ASB4: variants seen among roughly 807,000 people sequenced by gnomAD.
ASB4 encodes ankyrin repeat and SOCS box protein 4.
In ASB4, 35 loss-of-function variants were observed where a neutral mutation model predicts 38.6. That is an observed-to-expected ratio of 0.91 (90% CI 0.69 to 1.20). The LOEUF (loss-of-function observed/expected upper bound fraction) is 1.20, where lower values mean the gene tolerates loss of function less well. Ranked by LOEUF, ASB4 falls within the 50% of genes most tolerant of loss-of-function variation. ASB4 has a pLI of 0.00. For missense variants in ASB4, 557 were observed against 527.2 expected (o/e 1.06, Z -0.55); for synonymous variants, 195 against 201.3 (o/e 0.97, Z 0.26).
intron 2 of ASB4, among the ~76,000 whole-genome samples, chr7:95,504,203 T>C (rs935464356): frequency 1.3e-5 from 2 of 152,170 alleles, no homozygotes; most frequent in Non-Finnish European, 2.9e-5. Context: ...AAGCAAATCC[T>C]GACAGTAGGA....
intron 2 of ASB4, among the ~76,000 whole-genome samples, chr7:95,521,517 A>G (rs1790661519): frequency 6.6e-6 from 1 of 152,056 alleles, no homozygotes; most frequent in African/African-American, 2.4e-5. Flanking sequence ...TATGGTTGAA[A>G]ATGTTCATAC....
intron 2 of ASB4, among the ~76,000 whole-genome samples, chr7:95,523,202 G>A (rs1017398206): frequency 6.6e-6 from 1 of 152,122 alleles, no homozygotes; most frequent in East Asian, 1.9e-4. Context: ...AGATTGTTAT[G>A]CAACTTCTGA....
intron 2 of ASB4, among the ~76,000 whole-genome samples, chr7:95,521,574 C>T (rs1208998201): frequency 6.6e-6 from 1 of 151,692 alleles, no homozygotes; most frequent in Non-Finnish European, 1.5e-5. Context: ...AACTACTGCA[C>T]AGTTTGAAAG....
intron 2 of ASB4, among the ~76,000 whole-genome samples, chr7:95,527,099 A>G (rs2023780): frequency 1 from 151,751 of 152,342 alleles, 75,582 homozygotes; most frequent in Middle Eastern, 1. Context: ...CTTTCAATGA[A>G]TATTTCTACT....
chr7:95,479,051 T>C (rs1469743063), intron 1 of ASB4, among the ~76,000 whole-genome samples: 4 of 152,126 alleles, frequency 2.6e-5, no homozygotes, highest in African/African-American at 9.7e-5. Flanking sequence ...AAAATGGTAT[T>C]AATCTTTGCC....
intron 2 of ASB4, among the ~76,000 whole-genome samples, chr7:95,515,165 TTC>T (rs1318538783): frequency 0.019 from 1,523 of 81,644 alleles, 32 homozygotes; most frequent in South Asian, 0.031. Flanking sequence ...TTCTTTCTCT[TTC>T]TCTTTCTTTC....
At position 95,521,979 on chromosome 7, in the gene ASB4, T is replaced by C. The variant is rs115414322; in HGVS notation, c.488-5834T>C. 4.7e-3 allele frequency among the ~76,000 whole-genome samples: 716 copies of C among 152,136 alleles called. 10 individuals are homozygous for C. The highest frequency in any genetic ancestry group is 0.017 in the African/African-American group (688 of 41,544). ...CAGAAGAAAACTAAAGCAAATATGG[T>C]AATAATTAAATTCAGTCAAATATGG... On this transcript the variant is annotated intron_variant, in intron 2 of 4. Coordinates refer to ENST00000325885, the MANE Select transcript of ASB4 (RefSeq NM_016116.3).
chr7:95,510,872 G>C (rs1474988484), intron 2 of ASB4, among the ~76,000 whole-genome samples: 1 of 152,146 alleles, frequency 6.6e-6, no homozygotes, highest in Non-Finnish European at 1.5e-5. Context: ...CCTTAGGCCT[G>C]TACTTCTTTA....
At chr7:95,497,269 G>A (rs1790264531) in intron 2 of ASB4, among the ~76,000 whole-genome samples, 1 of 152,224 alleles carries the variant, frequency 6.6e-6, no homozygotes, top group Non-Finnish European at 1.5e-5. Context: ...GACCAGTAGG[G>A]AAGCTATTGT....
intron 3 of ASB4, among the ~76,000 whole-genome samples, chr7:95,533,053 A>T (rs1790840534): frequency 1.3e-5 from 2 of 152,164 alleles, no homozygotes; most frequent in South Asian, 4.1e-4. Flanking sequence ...TTCTCACTTC[A>T]CTTAACAGAT....
intron 2 of ASB4, among the ~76,000 whole-genome samples, chr7:95,502,600 A>G (rs1422181507): frequency 6.6e-6 from 1 of 152,220 alleles, no homozygotes; most frequent in African/African-American, 2.4e-5. Flanking sequence ...GAGAAAGAAA[A>G]AGAAAGACAC....
At chr7:95,519,858 CTT>C (rs568792000) in intron 2 of ASB4, among the ~76,000 whole-genome samples, 5 of 151,376 alleles carry the variant, frequency 3.3e-5, no homozygotes, top group Non-Finnish European at 5.9e-5. Context: ...TTTTCATTGA[CTT>C]TAACTCACTT....
the ASB4 span, among the ~76,000 whole-genome samples, chr7:95,548,471 A>G: frequency 1.3e-5 from 2 of 152,204 alleles, no homozygotes; most frequent in African/African-American, 2.4e-5. Flanking sequence ...AATGAATGTT[A>G]TATTGTCCAT....
At chr7:95,490,835 C>T (rs3801917) in intron 1 of ASB4, among the ~76,000 whole-genome samples, 25,481 of 152,234 alleles carry the variant, frequency 0.17, 2,766 homozygotes, top group East Asian at 0.37. Context: ...CACACACACA[C>T]GATTAGTCTG....
chr7:95,511,043 C>T (rs1790472180), intron 2 of ASB4, among the ~76,000 whole-genome samples: 1 of 152,032 alleles, frequency 6.6e-6, no homozygotes, highest in Non-Finnish European at 1.5e-5. Context: ...ACTTATGGAA[C>T]ATAATATAAA....
At chr7:95,492,555 G>A (rs1419610810) in intron 1 of ASB4, among the ~76,000 whole-genome samples, 2 of 152,190 alleles carry the variant, frequency 1.3e-5, no homozygotes, top group African/African-American at 2.4e-5. Flanking sequence ...GAAAATGAAA[G>A]GCTTGGACTG....
intron 2 of ASB4, among the ~76,000 whole-genome samples, chr7:95,498,884 C>A (rs949578286): frequency 2.6e-5 from 4 of 152,026 alleles, no homozygotes; most frequent in African/African-American, 7.2e-5. Flanking sequence ...TGTTTCAACA[C>A]CATTTGTTGA....
At chr7:95,530,871 A>T (rs1244427177) in intron 3 of ASB4, among the ~76,000 whole-genome samples, 1 of 152,112 alleles carries the variant, frequency 6.6e-6, no homozygotes, top group Middle Eastern at 3.2e-3. Context: ...TTTAGATGAG[A>T]GATGAGGGTA....
At chr7:95,523,936 A>G (rs1790698141) in intron 2 of ASB4, among the ~76,000 whole-genome samples, 1 of 152,246 alleles carries the variant, frequency 6.6e-6, no homozygotes, top group African/African-American at 2.4e-5. Context: ...TTCAAATGCA[A>G]TGAGATATCA....
Sources: gnomAD v4.1 joint callset for allele counts (sites outside exome capture counted in the v4.1 genomes callset) on GRCh38, gnomAD v4.1.1 for gene constraint, MANE v1.5 for transcripts, NCBI Gene and HGNC (gene_info 2026-07-23, HGNC 2026-07-21) for gene names.